IGF1R: variants seen among roughly 807,000 people sequenced by gnomAD.
IGF1R encodes the protein insulin like growth factor 1 receptor.
In IGF1R, 44 loss-of-function variants were observed where a neutral mutation model predicts 144.6. The observed-to-expected ratio is 0.30, with a 90% confidence interval of 0.24 to 0.39. The LOEUF is 0.39. Ranked by LOEUF, IGF1R falls within the 10% of genes least tolerant of loss-of-function variation. The pLI, the probability that IGF1R is intolerant of heterozygous loss-of-function variation, is 1.00. For missense variants in IGF1R, 1,355 were observed against 1,833.7 expected (o/e 0.74, Z 4.77); for synonymous variants, 795 against 722.8 (o/e 1.10, Z -1.60).
chr15:98,870,269 T>C (rs2012714550), intron 2 of IGF1R, among the ~76,000 whole-genome samples: 1 of 152,230 alleles, frequency 6.6e-6, no homozygotes, highest in Admixed American at 6.5e-5. Context: ...CATTCTCTCT[T>C]CCACCTAGGC....
intron 1 of IGF1R, among the ~76,000 whole-genome samples, chr15:98,679,455 C>T (rs575801321): frequency 6.6e-6 from 1 of 152,292 alleles, no homozygotes; most frequent in Admixed American, 6.5e-5. Flanking sequence ...TGGACCTCGT[C>T]TGTAACAGTA....
chr15:98,895,432 A>G (rs1411302232), intron 3 of IGF1R, among the ~76,000 whole-genome samples: 1 of 151,980 alleles, frequency 6.6e-6, no homozygotes, highest in Non-Finnish European at 1.5e-5. Context: ...TTTTAAATGG[A>G]AAGTTTATAG....
At chr15:98,938,197 C>T (rs2016230655) in intron 17 of IGF1R, among the ~76,000 whole-genome samples, 1 of 152,234 alleles carries the variant, frequency 6.6e-6, no homozygotes, top group Admixed American at 6.5e-5. Flanking sequence ...ATCTTCTCGT[C>T]AGTGAAACCA....
intron 1 of IGF1R, among the ~76,000 whole-genome samples, chr15:98,668,432 A>G (rs1333241069): frequency 6.6e-6 from 1 of 152,198 alleles, no homozygotes; most frequent in Non-Finnish European, 1.5e-5. Flanking sequence ...TAAAATTTAC[A>G]TGGAATCCAG....
At chr15:98,943,167 A>G in intron 19 of IGF1R, 115 bp downstream of exon 19, 1 of 1,241,558 alleles carries the variant, frequency 8.1e-7, no homozygotes, top group Non-Finnish European at 1.2e-6. Flanking sequence ...TGCCAGCTTT[A>G]GCTCAGTGTT....
intron 1 of IGF1R, among the ~76,000 whole-genome samples, chr15:98,686,429 C>T (rs1596185533): frequency 6.6e-6 from 1 of 152,102 alleles, no homozygotes; most frequent in Non-Finnish European, 1.5e-5. Flanking sequence ...TGGGTATATA[C>T]CCAGAAGTGG....
intron 2 of IGF1R, among the ~76,000 whole-genome samples, chr15:98,741,642 C>T (rs1400678387): frequency 6.6e-6 from 1 of 152,224 alleles, no homozygotes; most frequent in Non-Finnish European, 1.5e-5. Flanking sequence ...GCTAGTCCAG[C>T]ACTGCTCCGT....
chr15:98,713,645 C>A (rs538749565), intron 2 of IGF1R, among the ~76,000 whole-genome samples: 8 of 152,142 alleles, frequency 5.3e-5, no homozygotes, highest in Non-Finnish European at 1.0e-4. Flanking sequence ...CTGGGAGGGA[C>A]GGAGGTGAAT....
chr15:98,880,743 G>A (rs894684653), intron 2 of IGF1R: 3 of 152,310 alleles, frequency 2.0e-5, no homozygotes, highest in African/African-American at 7.2e-5. Flanking sequence ...ATTTGTTCTG[G>A]GACCTCCCAC....
intron 1 of IGF1R, among the ~76,000 whole-genome samples, chr15:98,679,698 T>C (rs1369533886): frequency 6.6e-6 from 1 of 152,200 alleles, no homozygotes; most frequent in Non-Finnish European, 1.5e-5. Context: ...ATTGTTAGAG[T>C]GTACTCCTTA....
At position 98,939,143 on chromosome 15, in the gene IGF1R, T is replaced by C; in HGVS notation, c.3298-58T>C. ...GATGATATGCAAACCTCGAAAGAAATTGGCATGGAAAAAAAAAATCCAAAA... is the reference window on the plus strand; with the variant it reads ...GATGATATGCAAACCTCGAAAGAAACTGGCATGGAAAAAAAAAATCCAAAA... On this transcript the variant is annotated intron_variant, in intron 17 of 20. Coordinates refer to ENST00000650285, the MANE Select transcript of IGF1R (RefSeq NM_000875.5). 13 of 1,451,914 alleles carry C rather than the reference T, an allele frequency of 9.0e-6. No homozygotes were observed. The South Asian group carries it at 1.1e-4, about 13-fold the overall frequency. 89.9% of individuals were successfully genotyped at this position (1,451,914 alleles called of 1,614,324 possible). A position where few individuals can be genotyped will look rare whatever the true frequency, so the allele number is the denominator to read the frequency against.
chr15:98,928,708 T>G (rs755447476), intron 13 of IGF1R, among the ~76,000 whole-genome samples: 1 of 152,166 alleles, frequency 6.6e-6, no homozygotes, highest in Non-Finnish European at 1.5e-5. Context: ...AGTCCACTTT[T>G]CTAGTTGTCA....
At position 98,770,229 on chromosome 15, in the gene IGF1R, A is replaced by C. The variant is rs139036713; in HGVS notation, c.640+62122A>C. Among the ~76,000 whole-genome samples, 611 of 152,352 alleles carry C rather than the reference A, an allele frequency of 4.0e-3. 2 individuals carry two copies. Among genetic ancestry groups the C allele is most frequent in the African/African-American group, 0.014 (595 of 41,586 alleles). On this transcript the variant is annotated intron_variant, in intron 2 of 20. Coordinates refer to ENST00000650285, the MANE Select transcript of IGF1R (RefSeq NM_000875.5). The stretch of plus-strand genomic sequence containing the variant: ...TGAATGTCTCTCTGCTGGGATTAAA[A>C]GTTAGAGGAAGGCAAAAACAGATAT...
chr15:98,813,302 G>T (rs536675440), intron 2 of IGF1R, among the ~76,000 whole-genome samples: 21 of 151,968 alleles, frequency 1.4e-4, no homozygotes, highest in Non-Finnish European at 2.2e-4. Flanking sequence ...CAATCCAAAG[G>T]CCAGGCCCCT....
At chr15:98,711,888 G>A (rs1170230750) in intron 2 of IGF1R, among the ~76,000 whole-genome samples, 3 of 152,168 alleles carry the variant, frequency 2.0e-5, no homozygotes, top group African/African-American at 7.2e-5. Context: ...CAGATTAACT[G>A]TCTGGGGAGG....
chr15:98,730,469 G>A (rs2141295560), intron 2 of IGF1R, among the ~76,000 whole-genome samples: 1 of 152,252 alleles, frequency 6.6e-6, no homozygotes, highest in South Asian at 2.1e-4. Context: ...TAAAAAGGAT[G>A]TTATTAAGGT....
chr15:98,866,022 G>T (rs944568004), intron 2 of IGF1R, among the ~76,000 whole-genome samples: 1 of 152,220 alleles, frequency 6.6e-6, no homozygotes, highest in Non-Finnish European at 1.5e-5. Flanking sequence ...CGGATGGGTT[G>T]GTAGTGCACA....
chr15:98,844,529 C>A (rs1322832154), intron 2 of IGF1R, among the ~76,000 whole-genome samples: 1 of 151,988 alleles, frequency 6.6e-6, no homozygotes, highest in Non-Finnish European at 1.5e-5. Flanking sequence ...TGTCTACTTA[C>A]AAATAAATTG....
intron 2 of IGF1R, among the ~76,000 whole-genome samples, chr15:98,795,403 T>TTTTTG (rs56344805): frequency 0.03 from 4,499 of 151,452 alleles, 229 homozygotes; most frequent in African/African-American, 0.1. Flanking sequence ...TCTTTCTTGT[T>TTTTTG]TTTTGTTTTG....
Sources: gnomAD v4.1 joint callset for allele counts (sites outside exome capture counted in the v4.1 genomes callset) on GRCh38, gnomAD v4.1.1 for gene constraint, MANE v1.5 for transcripts, NCBI Gene and HGNC (gene_info 2026-07-23, HGNC 2026-07-21) for gene names.